Variants in CTTNBP2 observed in about 807,000 individuals in gnomAD.
CTTNBP2 encodes the protein cortactin binding protein 2, also known as cortactin-binding protein 2.
CTTNBP2 carries 108 observed loss-of-function variants against 156.9 expected under a neutral mutation model. That is an observed-to-expected ratio of 0.69 (90% CI 0.59 to 0.81). CTTNBP2 has a LOEUF of 0.81. Ranked by LOEUF, CTTNBP2 falls within the 30% of genes least tolerant of loss-of-function variation. CTTNBP2 has a pLI of 0.00. For missense variants in CTTNBP2, 1,924 were observed against 2,035.4 expected, an observed-to-expected ratio of 0.95 and a Z score of 1.05; for synonymous variants, 767 against 751.8, an observed-to-expected ratio of 1.02 and a Z score of -0.33.
At chr7:117,743,583 G>T (rs1796134376) in intron 14 of CTTNBP2, among the ~76,000 whole-genome samples, 1 of 151,800 alleles carries the variant, frequency 6.6e-6, no homozygotes, top group African/African-American at 2.4e-5. Context: ...CCTACATGGT[G>T]AAACCCCGTC....
intron 2 of CTTNBP2, among the ~76,000 whole-genome samples, chr7:117,835,727 G>T (rs1424715005): frequency 4.6e-5 from 7 of 152,194 alleles, no homozygotes; most frequent in Admixed American, 1.3e-4. Context: ...CAGAGGGTCT[G>T]GTCGTGCATC....
At chr7:117,811,983 T>C (rs1800324788) in intron 2 of CTTNBP2, among the ~76,000 whole-genome samples, 1 of 149,648 alleles carries the variant, frequency 6.7e-6, no homozygotes, top group Non-Finnish European at 1.5e-5. Context: ...TATTCGTAGT[T>C]TGTAAAATTT....
At chr7:117,754,548 A>G (rs1176109050) in intron 12 of CTTNBP2, among the ~76,000 whole-genome samples, 1 of 152,262 alleles carries the variant, frequency 6.6e-6, no homozygotes, top group Non-Finnish European at 1.5e-5. Flanking sequence ...ACACAAAAAT[A>G]CATAACACAG....
chr7:117,728,612 A>T (rs1229195027), intron 16 of CTTNBP2, among the ~76,000 whole-genome samples: 1 of 152,218 alleles, frequency 6.6e-6, no homozygotes, highest in African/African-American at 2.4e-5. Context: ...TATATTTTTT[A>T]TTAAGGTATA....
intron 1 of CTTNBP2, chr7:117,872,114 A>G (rs1057308767): frequency 5.6e-5 from 16 of 286,108 alleles, no homozygotes; most frequent in Non-Finnish European, 7.3e-5. Context: ...CAGTTTTACA[A>G]GTGGAAATTA....
chr7:117,716,449 G>A (rs1290806180), intron 22 of CTTNBP2, among the ~76,000 whole-genome samples: 2 of 152,100 alleles, frequency 1.3e-5, no homozygotes, highest in African/African-American at 4.8e-5. Flanking sequence ...TGTTCCACAA[G>A]GAATCCTAAA....
intron 2 of CTTNBP2, among the ~76,000 whole-genome samples, chr7:117,858,738 T>C (rs1803502919): frequency 6.6e-6 from 1 of 152,214 alleles, no homozygotes; most frequent in South Asian, 2.1e-4. Flanking sequence ...ACCTTCTATA[T>C]GACCAGTCTA....
At chr7:117,778,598 C>A (rs1479422304) in intron 7 of CTTNBP2, among the ~76,000 whole-genome samples, 1 of 152,126 alleles carries the variant, frequency 6.6e-6, no homozygotes, top group Non-Finnish European at 1.5e-5. Flanking sequence ...GAATCAGAAA[C>A]TCTGGGGATG....
intron 2 of CTTNBP2, among the ~76,000 whole-genome samples, chr7:117,853,336 A>G (rs903749061): frequency 7.9e-5 from 12 of 152,216 alleles, no homozygotes; most frequent in African/African-American, 2.9e-4. Flanking sequence ...GGCTGCAAAC[A>G]GAATTACTTA....
At chr7:117,748,881 G>T (rs931828144) in intron 12 of CTTNBP2, among the ~76,000 whole-genome samples, 1 of 152,174 alleles carries the variant, frequency 6.6e-6, no homozygotes, top group African/African-American at 2.4e-5. Flanking sequence ...TGTTAGGAGG[G>T]ATTAGTGCCC....
At chr7:117,851,498 T>C (rs551459419) in intron 2 of CTTNBP2, among the ~76,000 whole-genome samples, 11 of 152,324 alleles carry the variant, frequency 7.2e-5, no homozygotes, top group Admixed American at 3.3e-4. Context: ...ATTCTTTCTT[T>C]CCCTTTTACT....
chr7:117,718,517 C>T (rs1295734063), intron 21 of CTTNBP2, among the ~76,000 whole-genome samples: 4 of 152,082 alleles, frequency 2.6e-5, no homozygotes, highest in Admixed American at 6.5e-5. Flanking sequence ...GATATTATGA[C>T]GATTCAAATA....
rs147337155 is a variant in CTTNBP2, at chr7:117,791,771, C to A, written c.1425G>T (p.Ser475=). Reference sequence around the variant, plus strand: ...CCACTAGGTTGTCACGACTTGTAGGCGAGACATCTCTTGACGGAGGACTTT... The same window carrying A: ...CCACTAGGTTGTCACGACTTGTAGGAGAGACATCTCTTGACGGAGGACTTT... ...TTQSPPSRDV[S]PTSRDNLVAK... Residue 475 remains serine (S), a synonymous_variant, in exon 4 of 23, where the codon TCG becomes TCT. Transcript: ENST00000160373. 920 of 1,614,170 alleles carry A rather than the reference C, an allele frequency of 5.7e-4. 7 individuals carry two copies. In the East Asian group the frequency reaches 0.019, roughly 33 times the overall value.
chr7:117,798,300 C>T (rs1799433148), intron 3 of CTTNBP2, among the ~76,000 whole-genome samples: 1 of 152,062 alleles, frequency 6.6e-6, no homozygotes, highest in Non-Finnish European at 1.5e-5. Flanking sequence ...ACCAAAACTA[C>T]AAAAGATATT....
chr7:117,827,150 C>T (rs1801334917), intron 2 of CTTNBP2, among the ~76,000 whole-genome samples: 1 of 152,182 alleles, frequency 6.6e-6, no homozygotes, highest in Non-Finnish European at 1.5e-5. Context: ...TTAGCCACCA[C>T]ACCTGGCCAA....
chr7:117,778,427 G>A (rs1470440894), intron 7 of CTTNBP2, among the ~76,000 whole-genome samples: 1 of 152,134 alleles, frequency 6.6e-6, no homozygotes, highest in Non-Finnish European at 1.5e-5. Context: ...ATATTATTTT[G>A]GAGCCTCTAT....
intron 12 of CTTNBP2, among the ~76,000 whole-genome samples, chr7:117,753,040 A>T (rs1357216159): frequency 6.6e-6 from 1 of 152,216 alleles, no homozygotes; most frequent in Non-Finnish European, 1.5e-5. Context: ...CCCAGAGTCT[A>T]CAAGGAATTT....
At chr7:117,842,003 T>A (rs774491518) in intron 2 of CTTNBP2, among the ~76,000 whole-genome samples, 1 of 152,018 alleles carries the variant, frequency 6.6e-6, no homozygotes, top group African/African-American at 2.4e-5. Context: ...TGAGAGACGC[T>A]TGGAAAAAGG....
chr7:117,823,792 G>A (rs534962530), intron 2 of CTTNBP2, among the ~76,000 whole-genome samples: 8 of 152,324 alleles, frequency 5.3e-5, no homozygotes, highest in Admixed American at 5.2e-4. Flanking sequence ...CTGGGTTCAA[G>A]TGATCCTCCC....
Sources: gnomAD v4.1 joint callset for allele counts (sites outside exome capture counted in the v4.1 genomes callset) on GRCh38, gnomAD v4.1.1 for gene constraint, MANE v1.5 for transcripts, NCBI Gene and HGNC (gene_info 2026-07-23, HGNC 2026-07-21) for gene names.